The following TRAF7 variants were observed in gnomAD, a reference collection of about 807,000 sequenced individuals.
TRAF7 encodes the protein TNF receptor associated factor 7, also known as E3 ubiquitin-protein ligase TRAF7.
In TRAF7, 45 loss-of-function variants were observed where a neutral mutation model predicts 89.3. The observed-to-expected ratio is 0.50, with a 90% CI of 0.40 to 0.65. The LOEUF (loss-of-function observed/expected upper bound fraction) is 0.65. Among genes scored for constraint, TRAF7 ranks in the 30% least tolerant of loss-of-function variants. TRAF7 has a pLI of 0.00. For synonymous variants in TRAF7, 406 were observed against 369.2 expected (o/e 1.10, Z -1.14); for missense variants, 677 against 918.1 (o/e 0.74, Z 3.39).
At chr16:2,175,462 C>A (rs780702499) in intron 16 of TRAF7, 38 bp from the exon 17 acceptor site, 3 of 1,612,316 alleles carry the variant, frequency 1.9e-6, no homozygotes, top group East Asian at 4.5e-5. Flanking sequence ...TGAGGCGTCC[C>A]TTGCCCGCCC....
chr16:2,176,933 A>T lies in TRAF7; in HGVS notation c.*359A>T. On this transcript the variant is annotated 3_prime_UTR_variant, in exon 21 of 21. Transcript: ENST00000326181. ...CCTGGTTGAAATAAATGCTCCACAG[A>T]CTGTGGCTGTGAGTGGGGACAGCTC... The T allele has an allele frequency of 2.2e-6, 1 of 456,618 alleles. No individual in the cohort carries two copies. The highest frequency in any genetic ancestry group is 2.3e-5 in the South Asian group (1 of 44,190). The allele number at this position is 456,618 out of a possible 1,614,324, so 28.3% of individuals were successfully genotyped here.
chr16:2,172,912 T>G (rs968547176), intron 9 of TRAF7, among the ~76,000 whole-genome samples: 4 of 149,396 alleles, frequency 2.7e-5, no homozygotes, highest in African/African-American at 7.4e-5. Flanking sequence ...GGCAGGGAGG[T>G]GGGCAGGGAG....
At position 2,176,594 on chromosome 16, in the gene TRAF7, T is replaced by C; in HGVS notation, c.*20T>C. Reference sequence around the variant, plus strand: ...TGCTAACAGGATCCAGGCCAGGCTGTGGTTTCCCCTGAACCAGCCCTGGAC... The same window carrying C: ...TGCTAACAGGATCCAGGCCAGGCTGCGGTTTCCCCTGAACCAGCCCTGGAC... On this transcript the variant is annotated 3_prime_UTR_variant, in exon 21 of 21. Transcript: ENST00000326181. 6.2e-7 allele frequency: 1 copy of C among 1,613,354 alleles called. No homozygotes were observed.
rs1041449880 is a variant in TRAF7 at position 2,159,801 on chromosome 16, G to A, written c.-39+3943G>A. 1.8e-4 allele frequency among the ~76,000 whole-genome samples: 28 copies of A among 152,352 alleles called. No individual in the cohort carries two copies. The highest frequency in any genetic ancestry group is 5.1e-4 in the African/African-American group (21 of 41,584). Reference sequence around the variant, plus strand: ...GGGACCCCCACACCCCACCTGCTCCGGGTTGCTGGAGGAGCTGCTTTAAGG... The same window carrying A: ...GGGACCCCCACACCCCACCTGCTCCAGGTTGCTGGAGGAGCTGCTTTAAGG... On this transcript the variant is annotated intron_variant, in intron 1 of 20. Transcript: ENST00000326181. This position sits in a 1 kb window ranked among gnomAD's most constrained non-coding sequence, Gnocchi z 6.5.
chr16:2,156,062 C>T (rs996476964), intron 1 of TRAF7, among the ~76,000 whole-genome samples: 4 of 152,082 alleles, frequency 2.6e-5, no homozygotes, highest in South Asian at 2.1e-4. Flanking sequence ...GTCAGTAGTC[C>T]GTCCCTCGCT....
chr16:2,170,810 C>G, intron 5 of TRAF7, 80 bp downstream of exon 5: 2 of 1,315,292 alleles, frequency 1.5e-6, no homozygotes, highest in Non-Finnish European at 2.1e-6. Context: ...TCCCCTCCGC[C>G]ATGCCCGCCC....
At chr16:2,160,489 G>A (rs1324337251) in intron 1 of TRAF7, among the ~76,000 whole-genome samples, 1 of 143,454 alleles carries the variant, frequency 7.0e-6, no homozygotes, top group Admixed American at 6.9e-5. Flanking sequence ...GTGGACGGGC[G>A]GGAGGTGTGG....
rs907696806 is a variant in TRAF7, at chr16:2,167,113, C to G, written c.140-964C>G. On this transcript the variant is annotated intron_variant, in intron 3 of 20. Coordinates refer to ENST00000326181, the MANE Select transcript of TRAF7 (RefSeq NM_032271.3). ...CTCTTTTTTTTTCTAATCCTACCCC[C>G]CAAAAAACGGTGCCTTTTCATCTAC... Among the ~76,000 whole-genome samples the G allele has an allele frequency of 8.5e-5, 13 of 152,116 alleles. No homozygotes were observed. The East Asian group carries it at 1.5e-3, about 18-fold the overall frequency.
chr16:2,164,165 CGCGCGCGCGCGCGCGCACGCGTGCGTGT>C lies in TRAF7; in HGVS notation c.81+166_81+193del, dbSNP rs933204607. ...GTGTGTGTGTGTGTGTGTGTGCGCG[CGCGCGCGCGCGCGCGCACGCGTGCGTGT>C]GTGGTTGGGGCGTGTTAGTGCTGTG... On this transcript the variant is annotated intron_variant, in intron 2 of 20. Transcript: ENST00000326181. Among the ~76,000 whole-genome samples, 93 of 88,550 alleles carry C rather than the reference CGCGCGCGCGCGCGCGCACGCGTGCGTGT, an allele frequency of 1.1e-3. 1 individual carries two copies. The East Asian group carries it at 0.024, about 23-fold the overall frequency. 58.1% of individuals were successfully genotyped at this position (88,550 alleles called of 152,430 possible).
chr16:2,175,410 C>T lies in TRAF7; in HGVS notation c.1496C>T (p.Ala499Val), dbSNP rs2141293983. The T allele has an allele frequency of 6.2e-7, 1 of 1,613,528 alleles. No homozygotes were observed. The highest frequency in any genetic ancestry group is 8.5e-7 in the Non-Finnish European group (1 of 1,179,930). ...GTGCTCTTCAGCGGCTCCCTGAAGG[C>T]CATCAAGGTACGGGTGGAGGCTGTG... The part of the protein sequence containing the change: ...HNVLFSGSLK[A>V]IKVWDIVGTE... Residue 499 changes from alanine to valine, a missense_variant, in exon 16 of 21, where the codon GCC (alanine) becomes GTC (valine). Around this residue, in one of 6 missense-constraint regions of TRAF7, gnomAD observed 160 missense variants for 263.7 expected, o/e 0.61. Transcript: ENST00000326181.
chr16:2,176,051 G>A lies in TRAF7; in HGVS notation c.1749G>A (p.Val583=), dbSNP rs1447169362. 4 of 1,608,410 alleles carry A rather than the reference G, an allele frequency of 2.5e-6. No individual in the cohort carries two copies. Among genetic ancestry groups the A allele is most frequent in the Non-Finnish European group, 3.4e-6 (4 of 1,176,872 alleles). ...CTGCCTGTGCCCACCCCTCCCAGGT[G>A]TGGGACATTGAGTCCAAGGAGCAGG... is the stretch of plus-strand genomic sequence containing the variant. ...VCGTYENLIH[V]WDIESKEQVR... The change falls in exon 19 of 21, where the codon GTG becomes GTA. Residue 583 remains valine, a splice_region_variant and synonymous_variant. Coordinates refer to ENST00000326181, the MANE Select transcript of TRAF7 (RefSeq NM_032271.3).
At chr16:2,164,155 TGTGTGCGCGC>T (rs1334268021) in intron 2 of TRAF7, among the ~76,000 whole-genome samples, 154 bp downstream of exon 2, 8 of 130,536 alleles carry the variant, frequency 6.1e-5, no homozygotes, top group East Asian at 4.4e-4. Context: ...TGTGTGTGTG[TGTGTGCGCGC>T]GCGCGCGCGC....
chr16:2,168,056 G>A lies in TRAF7; in HGVS notation c.140-21G>A, dbSNP rs948555503. 28 of 1,607,926 alleles carry A rather than the reference G, an allele frequency of 1.7e-5. No homozygotes were observed. The highest frequency in any genetic ancestry group is 4.0e-5 in the African/African-American group (3 of 74,836). The stretch of plus-strand genomic sequence containing the variant: ...CTGCTGAGGGAGCCCCCACTGAGAC[G>A]CCAGCCCTCTTGCCTTGCAGCTGAC... On this transcript the variant is annotated intron_variant, in intron 3 of 20. Coordinates refer to ENST00000326181, the MANE Select transcript of TRAF7 (RefSeq NM_032271.3). The surrounding 1 kb of genome is among the most constrained non-coding windows in gnomAD (Gnocchi z 4.1).
intron 3 of TRAF7, 137 bp downstream of exon 3, chr16:2,166,073 C>G: frequency 2.0e-6 from 2 of 995,796 alleles, no homozygotes; most frequent in Non-Finnish European, 3.0e-6. Context: ...CCTCACACCG[C>G]AGCCTGTGTC....
rs2093075537 is a variant in TRAF7 at position 2,164,696 on chromosome 16, C to T, written c.81+695C>T. On this transcript the variant is annotated intron_variant, in intron 2 of 20. Coordinates refer to ENST00000326181, the MANE Select transcript of TRAF7 (RefSeq NM_032271.3). ...GGCGCGGCCTGGTTGCATGGTTAAG[C>T]GTGTGAGTGCTGCGTGGCGCGGCCT... 2.8e-5 allele frequency among the ~76,000 whole-genome samples: 4 copies of T among 141,250 alleles called. No individual in the cohort carries two copies. In the South Asian group the frequency reaches 6.7e-4, roughly 24 times the overall value. 92.7% of individuals were successfully genotyped at this position (141,250 alleles called of 152,430 possible).
In TRAF7 at chr16:2,175,624, T is replaced by C. The variant is rs2141295533; in HGVS notation, c.1626+2T>C. 1 of 1,610,944 alleles carries C rather than the reference T, an allele frequency of 6.2e-7. No individual in the cohort carries two copies. Among genetic ancestry groups the C allele is most frequent in the East Asian group, 2.2e-5 (1 of 44,792 alleles). On this transcript the variant is annotated splice_donor_variant, in intron 17 of 20. Coordinates refer to ENST00000326181, the MANE Select transcript of TRAF7 (RefSeq NM_032271.3). LOFTEE classifies it high-confidence loss of function. ...AGCGGCTCCTACCAGACAATCAAGG[T>C]GCGCTTGGGCACACCTGGTGGCCAC...
In TRAF7 at chr16:2,162,982, T is replaced by G. The variant is rs2093063679; in HGVS notation, c.-38-901T>G. On this transcript the variant is annotated intron_variant, in intron 1 of 20. Transcript: ENST00000326181. This position sits in a 1 kb window ranked among gnomAD's most constrained non-coding sequence, Gnocchi z 5.0. The stretch of plus-strand genomic sequence containing the variant: ...AGCCTGGTGCCTCACGGGGGGAGAG[T>G]GGGCGTCATCCAGCATGGACAGCCC... 1.3e-5 allele frequency among the ~76,000 whole-genome samples: 2 copies of G among 150,744 alleles called. No homozygotes were observed. Among genetic ancestry groups the G allele is most frequent in the South Asian group, 4.2e-4 (2 of 4,778 alleles).
At chr16:2,165,275 T>G (rs1472453522) in intron 2 of TRAF7, among the ~76,000 whole-genome samples, 969 of 51,592 alleles carry the variant, frequency 0.019, no homozygotes, top group Middle Eastern at 0.054. Flanking sequence ...TTAAGCGTGT[T>G]AGTGCTGCGT....
At chr16:2,165,571 G>A (rs1366190172) in intron 2 of TRAF7, among the ~76,000 whole-genome samples, 4 of 134,322 alleles carry the variant, frequency 3.0e-5, no homozygotes, top group African/African-American at 1.2e-4. Flanking sequence ...TTAGTGCTGC[G>A]TGGCCTGGCC....
Sources: gnomAD v4.1 joint callset for allele counts (sites outside exome capture counted in the v4.1 genomes callset) on GRCh38, gnomAD v4.1.1 for gene constraint, gnomAD v4.1.1 regional missense constraint, Gnocchi (gnomAD v3.1) non-coding constraint, MANE v1.5 for transcripts, NCBI Gene and HGNC (gene_info 2026-07-23, HGNC 2026-07-21) for gene names.